Variants in SEC63 observed in about 807,000 individuals in gnomAD.
The protein encoded by SEC63 is translocation protein SEC63 homolog.
A neutral mutation model predicts 116.2 loss-of-function variants in SEC63; 56 were observed. The ratio of observed to expected loss-of-function variants is 0.48; its 90% CI spans 0.39 to 0.60. The LOEUF is 0.60. Among genes scored for constraint, SEC63 ranks in the 20% least tolerant of loss-of-function variants. The pLI is 0.00. For missense variants in SEC63, 668 were observed against 900.0 expected, an observed-to-expected ratio of 0.74 and a Z score of 3.30; for synonymous variants, 273 against 294.6, an observed-to-expected ratio of 0.93 and a Z score of 0.75.
chr6:107,868,597 A>G lies in SEC63; in HGVS notation c.*3107T>C, dbSNP rs778940501. The G allele has an allele frequency of 3.3e-5, 5 of 151,830 alleles. No homozygotes were observed. Among genetic ancestry groups the G allele is most frequent in the Non-Finnish European group, 5.9e-5 (4 of 67,934 alleles). 9.4% of individuals were successfully genotyped at this position (151,830 alleles called of 1,614,324 possible). ...ACTCCGTCTTAAGAAGAAAAAGAGA[A>G]AGAGAGAAAAAAAGGCCAGCAAAAT... On this transcript the variant is annotated 3_prime_UTR_variant, in exon 21 of 21. Coordinates refer to ENST00000369002, the MANE Select transcript of SEC63 (RefSeq NM_007214.5).
chr6:107,900,902 A>T (rs1245030684), intron 13 of SEC63, among the ~76,000 whole-genome samples: 1 of 152,182 alleles, frequency 6.6e-6, no homozygotes, highest in African/African-American at 2.4e-5. Flanking sequence ...CTCAAAGAAA[A>T]TATAGAGGTA....
Position 107,892,509 on chromosome 6 carries a change from A to G in SEC63, c.1674+973T>C, listed in dbSNP as rs538110512. Among the ~76,000 whole-genome samples, 29 of 152,346 alleles carry G rather than the reference A, an allele frequency of 1.9e-4. No individual in the cohort carries two copies. The South Asian group carries it at 6.0e-3, about 32-fold the overall frequency. ...AACAGTCAGGATGTCTTAATTTTTA[A>G]GACACAGAAGCATTAGCCATCGATG... On this transcript the variant is annotated intron_variant, in intron 16 of 20. Transcript: ENST00000369002.
intron 1 of SEC63, among the ~76,000 whole-genome samples, chr6:107,934,595 C>G (rs13196224): frequency 1.3e-5 from 2 of 148,560 alleles, no homozygotes; most frequent in South Asian, 2.2e-4. Context: ...CGTCTCCGCC[C>G]GGCAGCCACC....
At chr6:107,884,085 A>G (rs556777851) in intron 16 of SEC63, among the ~76,000 whole-genome samples, 2 of 130,260 alleles carry the variant, frequency 1.5e-5, no homozygotes, top group South Asian at 2.9e-4. Context: ...CCCCGTCCCT[A>G]CTAAAAATAC....
chr6:107,943,117 G>A (rs748002995), intron 1 of SEC63, among the ~76,000 whole-genome samples: 5 of 152,206 alleles, frequency 3.3e-5, no homozygotes, highest in Admixed American at 3.3e-4. Context: ...AACTGCTCAC[G>A]CAGAGATGAT....
chr6:107,882,898 G>T, intron 17 of SEC63, 90 bp downstream of exon 17: 1 of 843,580 alleles, frequency 1.2e-6, no homozygotes, highest in Non-Finnish European at 1.9e-6. Context: ...AAGCGAGCAA[G>T]CAAACAAATG....
At chr6:107,871,959 T>C (rs1315304322) in intron 20 of SEC63, 112 bp from the exon 21 acceptor site, 4 of 1,026,656 alleles carry the variant, frequency 3.9e-6, no homozygotes, top group Admixed American at 2.0e-5. Context: ...AAATAGTTTT[T>C]TATGGACACA....
intron 1 of SEC63, among the ~76,000 whole-genome samples, chr6:107,953,844 G>C (rs1383711613): frequency 1.2e-5 from 1 of 81,918 alleles, no homozygotes; most frequent in Non-Finnish European, 2.7e-5. Flanking sequence ...GAGGGAGGTG[G>C]GGGGGTCAGC....
intron 18 of SEC63, 72 bp from the exon 19 acceptor site, chr6:107,876,734 T>A (rs542380321): frequency 9.2e-7 from 1 of 1,082,404 alleles, no homozygotes; most frequent in African/African-American, 1.6e-5. Context: ...AGAATATAAT[T>A]TTGGCCTCTC....
At chr6:107,896,147 C>T (rs1786812657) in intron 14 of SEC63, among the ~76,000 whole-genome samples, 1 of 151,984 alleles carries the variant, frequency 6.6e-6, no homozygotes, top group African/African-American at 2.4e-5. Context: ...GCCTAGGTAA[C>T]ACAGTGAGAC....
intron 11 of SEC63, 136 bp downstream of exon 11, chr6:107,904,493 G>C: frequency 1.4e-6 from 1 of 699,158 alleles, no homozygotes; most frequent in Non-Finnish European, 2.5e-6. Context: ...AATATGAAAA[G>C]ACATGAGTAA....
chr6:107,887,773 G>C (rs915857488), intron 16 of SEC63, among the ~76,000 whole-genome samples: 3 of 152,066 alleles, frequency 2.0e-5, no homozygotes, highest in African/African-American at 7.2e-5. Flanking sequence ...TTTTGTATAA[G>C]ATGTAAGGAA....
At chr6:107,942,707 T>C (rs1770403364) in intron 1 of SEC63, among the ~76,000 whole-genome samples, 2 of 152,304 alleles carry the variant, frequency 1.3e-5, no homozygotes, top group African/African-American at 4.8e-5. Flanking sequence ...TAGCCTACCG[T>C]TGACTGGAAG....
At chr6:107,940,108 T>TA (rs1232613666) in intron 1 of SEC63, among the ~76,000 whole-genome samples, 1 of 152,062 alleles carries the variant, frequency 6.6e-6, no homozygotes, top group Non-Finnish European at 1.5e-5. Context: ...GGGTCCTACT[T>TA]ACACCTATCC....
rs1583758381 is a variant in SEC63, at chr6:107,921,925, A to T, written c.340-16T>A. On this transcript the variant is annotated splice_polypyrimidine_tract_variant and intron_variant, in intron 3 of 20. Coordinates refer to ENST00000369002, the MANE Select transcript of SEC63 (RefSeq NM_007214.5). ...CTGTGGCTCCCTGGGGAAAAACAAA[A>T]AAAAAAAACAAGCTTTCTGTTAGCA... 3 of 1,410,674 alleles carry T rather than the reference A, an allele frequency of 2.1e-6. No individual in the cohort carries two copies. The highest frequency in any genetic ancestry group is 3.0e-6 in the Non-Finnish European group (3 of 1,002,244). 87.4% of individuals were successfully genotyped at this position (1,410,674 alleles called of 1,614,324 possible). A position where few individuals can be genotyped will look rare whatever the true frequency, so the allele number is the denominator to read the frequency against.
intron 4 of SEC63, among the ~76,000 whole-genome samples, chr6:107,918,558 G>A (rs1787468463): frequency 1.3e-5 from 2 of 151,908 alleles, no homozygotes; most frequent in Non-Finnish European, 2.9e-5. Flanking sequence ...CAGGCATGGT[G>A]GTGCATGCCT....
chr6:107,883,239 A>G, intron 16 of SEC63, 93 bp from the exon 17 acceptor site: 1 of 1,471,582 alleles, frequency 6.8e-7, no homozygotes, highest in Non-Finnish European at 9.3e-7. Context: ...CAATTTAACT[A>G]AACTGACTCG....
intron 13 of SEC63, among the ~76,000 whole-genome samples, chr6:107,898,871 A>C (rs1465543112): frequency 6.6e-6 from 1 of 152,186 alleles, no homozygotes; most frequent in African/African-American, 2.4e-5. Flanking sequence ...ATTTACTAAC[A>C]TACCATCAGT....
At chr6:107,904,019 G>A (rs1787074491) in intron 11 of SEC63, among the ~76,000 whole-genome samples, 1 of 151,678 alleles carries the variant, frequency 6.6e-6, no homozygotes, top group Non-Finnish European at 1.5e-5. Context: ...TCAGGAGGCT[G>A]AGGCAGGAGA....
Sources: gnomAD v4.1 joint callset for allele counts (sites outside exome capture counted in the v4.1 genomes callset) on GRCh38, gnomAD v4.1.1 for gene constraint, MANE v1.5 for transcripts, NCBI Gene and HGNC (gene_info 2026-07-23, HGNC 2026-07-21) for gene names.